The following NPHP3 variants were observed in gnomAD, a reference collection of about 807,000 sequenced individuals.
NPHP3 encodes nephrocystin 3.
In NPHP3, 123 loss-of-function variants were observed where a neutral mutation model predicts 171.9. The ratio of observed to expected loss-of-function variants is 0.72; its 90% CI spans 0.62 to 0.83. The LOEUF is 0.83. Ranked by LOEUF, NPHP3 falls within the 40% of genes least tolerant of loss-of-function variation. The pLI, the probability that NPHP3 is intolerant of heterozygous loss-of-function variation, is 0.00. For missense variants in NPHP3, 1,506 were observed against 1,591.9 expected, an observed-to-expected ratio of 0.95 and a Z score of 0.92; for synonymous variants, 558 against 579.2, an observed-to-expected ratio of 0.96 and a Z score of 0.52.
intron 5 of NPHP3, among the ~76,000 whole-genome samples, chr3:132,714,544 A>G (rs1269852568): frequency 6.7e-6 from 1 of 149,040 alleles, no homozygotes; most frequent in African/African-American, 2.5e-5. Flanking sequence ...ACAATGAGTC[A>G]CTTTCTCTGC....
At chr3:132,697,828 A>G (rs1221778634) in intron 13 of NPHP3, among the ~76,000 whole-genome samples, 1 of 152,094 alleles carries the variant, frequency 6.6e-6, no homozygotes, top group Non-Finnish European at 1.5e-5. Context: ...TAAAGTACAC[A>G]TAGACACATA....
Position 132,722,072 on chromosome 3 carries a change from C to T in NPHP3, c.284G>A (p.Arg95Lys), listed in dbSNP as rs1007066273. The change falls in exon 1 of 27, where the codon AGG becomes AAG. Residue 95 changes from arginine to lysine, a missense_variant. Arg to Lys is a conservative substitution (Grantham distance 26). This residue lies in a region of NPHP3 where 930 missense variants were observed against 924.9 expected (regional missense o/e 1.01). Transcript: ENST00000337331. ...EYAAAEYERL[R>K]KEYEIFRVSK... Reference sequence around the variant, plus strand: ...GACGCGAAAGATCTCGTACTCCTTCCTGAGCCGCTCGTACTCGGCCGCCGC... The same window carrying T: ...GACGCGAAAGATCTCGTACTCCTTCTTGAGCCGCTCGTACTCGGCCGCCGC... 6 of 1,612,042 alleles carry T rather than the reference C, an allele frequency of 3.7e-6. No individual in the cohort carries two copies. The African/African-American group carries it at 4.0e-5, about 11-fold the overall frequency.
Position 132,722,131 on chromosome 3 carries a change from C to G in NPHP3, c.225G>C (p.Lys75Asn), listed in dbSNP as rs760897912. 8.7e-6 allele frequency: 14 copies of G among 1,603,410 alleles called. No individual in the cohort carries two copies. The highest frequency in any genetic ancestry group is 1.1e-5 in the South Asian group (1 of 90,728). Residue 75 changes from lysine to asparagine, a missense_variant, in exon 1 of 27, where the codon AAG becomes AAC. Around this residue, in one of 3 missense-constraint regions of NPHP3, gnomAD observed 930 missense variants for 924.9 expected, o/e 1.01. Transcript: ENST00000337331. The part of the protein sequence containing the change: ...GAGGLLGASF[K>N]STGSSVPELE... ...GCTCTGGCACCGACGAGCCAGTGGA[C>G]TTGAAGCTGGCCCCCAGCAGCCCGC...
chr3:132,722,203 CG>C lies in NPHP3; in HGVS notation c.152del (p.Ala51GlyfsTer98), dbSNP rs1940253242. On this transcript the variant is annotated frameshift_variant, in exon 1 of 27. Coordinates refer to ENST00000337331, the MANE Select transcript of NPHP3 (RefSeq NM_153240.5). LOFTEE classifies it high-confidence loss of function. ...GCGACCCGGGCCCGGCCCCTGCTGC[CG>C]CCCCCGCGCCTCGGCGGAACGAGTT... is the stretch of plus-strand genomic sequence containing the variant. ...LRNSFRRGAG[A>X]AAGAGPGSLP... 2 of 1,510,790 alleles carry C rather than the reference CG, an allele frequency of 1.3e-6. No homozygotes were observed. The highest frequency in any genetic ancestry group is 1.8e-6 in the Non-Finnish European group (2 of 1,138,620). 93.6% of individuals were successfully genotyped at this position (1,510,790 alleles called of 1,614,324 possible).
Position 132,722,053 on chromosome 3 carries a change from A to C in NPHP3, c.303T>G (p.Phe101Leu). ...YERLRKEYEI[F>L]RVSKNQELLS... ...ACAACTCCTGGTTCTTGCTGACGCG[A>C]AAGATCTCGTACTCCTTCCTGAGCC... The change falls in exon 1 of 27, where the codon TTT (phenylalanine) becomes TTG (leucine). Residue 101 changes from phenylalanine to leucine, a missense_variant. Phe to Leu is a conservative substitution (Grantham distance 22). Transcript: ENST00000337331. 1 of 1,613,016 alleles carries C rather than the reference A, an allele frequency of 6.2e-7. No individual in the cohort carries two copies. The highest frequency in any genetic ancestry group is 8.5e-7 in the Non-Finnish European group (1 of 1,179,890).
chr3:132,681,886 T>G lies in NPHP3; in HGVS notation c.*24A>C. The G allele has an allele frequency of 6.3e-7, 1 of 1,598,658 alleles. No individual in the cohort carries two copies. The highest frequency in any genetic ancestry group is 8.6e-7 in the Non-Finnish European group (1 of 1,165,866). On this transcript the variant is annotated 3_prime_UTR_variant, in exon 27 of 27. Transcript: ENST00000337331. ...TAATTATTTTGTCTTAAGGTACATT[T>G]GCAAAGAATTCTAACTGCTGCTATT...
At chr3:132,719,292 T>G in intron 2 of NPHP3, 148 bp from the exon 3 acceptor site, 1 of 682,086 alleles carries the variant, frequency 1.5e-6, no homozygotes, top group East Asian at 2.7e-5. Flanking sequence ...CCTAGTACCT[T>G]TACCTTACTG....
At chr3:132,706,939 T>C (rs1159901056) in intron 7 of NPHP3, among the ~76,000 whole-genome samples, 1 of 152,226 alleles carries the variant, frequency 6.6e-6, no homozygotes, top group Non-Finnish European at 1.5e-5. Flanking sequence ...TTTAGTTTTA[T>C]GTGTCATGCT....
At chr3:132,716,279 ATTG>A (rs1160182628) in intron 4 of NPHP3, among the ~76,000 whole-genome samples, 5 of 152,106 alleles carry the variant, frequency 3.3e-5, no homozygotes, top group East Asian at 3.8e-4. Flanking sequence ...TTATTGTTGC[ATTG>A]TTATTTTCAT....
chr3:132,704,979 A>T (rs913122061), intron 8 of NPHP3, among the ~76,000 whole-genome samples: 1 of 152,164 alleles, frequency 6.6e-6, no homozygotes, highest in African/African-American at 2.4e-5. Context: ...GCCAGAGGTC[A>T]TATCATTTTG....
chr3:132,683,594 T>C, intron 24 of NPHP3, 70 bp from the exon 25 acceptor site: 2 of 1,281,816 alleles, frequency 1.6e-6, no homozygotes. Context: ...GCTTTTTCCA[T>C]AAGTAAAATT....
chr3:132,683,987 G>A (rs1939095647), intron 24 of NPHP3, among the ~76,000 whole-genome samples: 1 of 152,196 alleles, frequency 6.6e-6, no homozygotes, highest in Non-Finnish European at 1.5e-5. Flanking sequence ...TCTAAAGACA[G>A]TCTACAAAGC....
rs764420831 is a variant in NPHP3, at chr3:132,689,253, CAA to C, written c.2702_2703del (p.Phe901CysfsTer2). ...VSQNLYKRGH[F>X]AELLSYWQFV... ...AACTGCCAATAACTCAGCAACTCAG[CAA>C]AGTGTCCCCTGTTTCAACAAATAAC... On this transcript the variant is annotated frameshift_variant, in exon 20 of 27. Coordinates refer to ENST00000337331, the MANE Select transcript of NPHP3 (RefSeq NM_153240.5). LOFTEE classifies it high-confidence loss of function. The C allele has an allele frequency of 5.0e-6, 8 of 1,614,114 alleles. No individual in the cohort carries two copies. Among genetic ancestry groups the C allele is most frequent in the Non-Finnish European group, 6.8e-6 (8 of 1,179,950 alleles).
At chr3:132,706,342 GAGTA>G (rs1273752711) in intron 7 of NPHP3, among the ~76,000 whole-genome samples, 1 of 146,528 alleles carries the variant, frequency 6.8e-6, no homozygotes, top group Non-Finnish European at 1.5e-5. Context: ...CTGGAAGACA[GAGTA>G]AGACTCTGTC....
intron 15 of NPHP3, among the ~76,000 whole-genome samples, chr3:132,696,066 T>C (rs1001045384): frequency 6.6e-6 from 1 of 152,030 alleles, no homozygotes; most frequent in African/African-American, 2.4e-5. Flanking sequence ...TGTCTGGAAA[T>C]ATGTGTGCTA....
At chr3:132,705,931 AG>A (rs1939735817) in intron 7 of NPHP3, 117 bp from the exon 8 acceptor site, 1 of 583,802 alleles carries the variant, frequency 1.7e-6, no homozygotes, top group Non-Finnish European at 3.2e-6. Context: ...AACACATATT[AG>A]CTAATTTATC....
Position 132,694,815 on chromosome 3 carries a change from A to T in NPHP3, c.2310+12T>A. The T allele has an allele frequency of 6.2e-7, 1 of 1,612,292 alleles. No individual in the cohort carries two copies. The highest frequency in any genetic ancestry group is 8.5e-7 in the Non-Finnish European group (1 of 1,179,720). On this transcript the variant is annotated intron_variant, in intron 16 of 26. Transcript: ENST00000337331. The stretch of plus-strand genomic sequence containing the variant: ...AACTAACATTCCTTTTTATAAGTTT[A>T]TTACATTCTACCTGCTTCATTAGCT...
intron 6 of NPHP3, among the ~76,000 whole-genome samples, chr3:132,711,050 C>A (rs1027781740): frequency 4.6e-5 from 7 of 152,210 alleles, no homozygotes; most frequent in African/African-American, 1.7e-4. Flanking sequence ...CTGTGGATAC[C>A]ATCTGCACAC....
chr3:132,684,234 T>C (rs975644040), intron 24 of NPHP3, among the ~76,000 whole-genome samples: 2 of 152,234 alleles, frequency 1.3e-5, no homozygotes, highest in Admixed American at 1.3e-4. Context: ...ATTGGTGGAA[T>C]TTTAGAACTT....
Sources: allele counts gnomAD v4.1 joint callset (sites outside exome capture counted in the v4.1 genomes callset), GRCh38; gene constraint gnomAD v4.1.1; regional missense constraint gnomAD v4.1.1; transcripts MANE v1.5; gene names NCBI Gene and HGNC (gene_info 2026-07-23, HGNC 2026-07-21).